The following SAMD5 variants were observed in gnomAD, a reference collection of about 807,000 sequenced individuals.
The protein encoded by SAMD5 is sterile alpha motif domain-containing protein 5.
In SAMD5, 13 loss-of-function variants were observed where a neutral mutation model predicts 11.3. The observed-to-expected ratio is 1.15, with a 90% CI of 0.75 to 1.83. SAMD5 has a LOEUF of 1.83. Among genes scored for constraint, SAMD5 ranks in the 40% most tolerant of loss-of-function variants. SAMD5 has a pLI of 0.00. For synonymous variants in SAMD5, 129 were observed against 111.3 expected (o/e 1.16, Z -1.00); for missense variants, 255 against 239.1 (o/e 1.07, Z -0.44).
At chr6:147,592,580 A>T (rs1321591400) in intron 1 of SAMD5, among the ~76,000 whole-genome samples, 1 of 152,014 alleles carries the variant, frequency 6.6e-6, no homozygotes, top group Non-Finnish European at 1.5e-5. Flanking sequence ...CAATTCAGAT[A>T]GACTCTATGC....
At chr6:147,659,466 A>T (rs1446547416) in intron 1 of SAMD5, among the ~76,000 whole-genome samples, 2 of 152,186 alleles carry the variant, frequency 1.3e-5, no homozygotes, top group Admixed American at 6.5e-5. Context: ...AGCATTTTTG[A>T]TCACCAACTT....
At chr6:147,636,900 C>T (rs1382247896) in intron 1 of SAMD5, among the ~76,000 whole-genome samples, 1 of 144,148 alleles carries the variant, frequency 6.9e-6, no homozygotes, top group East Asian at 2.0e-4. Context: ...TCAGACCACA[C>T]AATAGACTTA....
intron 1 of SAMD5, among the ~76,000 whole-genome samples, chr6:147,550,659 G>A (rs1397937187): frequency 6.6e-6 from 1 of 151,818 alleles, no homozygotes; most frequent in Non-Finnish European, 1.5e-5. Flanking sequence ...GAAACAGAAA[G>A]TCAAAACCAG....
chr6:147,638,101 TTCTC>T lies in SAMD5; in HGVS notation c.163-99205_163-99202del, dbSNP rs144874164. Among the ~76,000 whole-genome samples, 263 of 151,738 alleles carry T rather than the reference TTCTC, an allele frequency of 1.7e-3. 1 individual carries two copies. The highest frequency in any genetic ancestry group is 6.8e-3 in the Middle Eastern group (2 of 292). On this transcript the variant is annotated intron_variant, in intron 1 of 1. Coordinates refer to the SAMD5 transcript ENST00000566741. ...CCATTTATACCTGCTTGACTGAGTGTTCTCTCTCTCTCTCCCTCCCTCTCTCTCC... is the reference window on the plus strand; with the variant it reads ...CCATTTATACCTGCTTGACTGAGTGTTCTCTCTCTCCCTCCCTCTCTCTCC...
At chr6:147,902,780 T>A in the SAMD5 span, among the ~76,000 whole-genome samples, 1 of 152,196 alleles carries the variant, frequency 6.6e-6, no homozygotes, top group Non-Finnish European at 1.5e-5. Context: ...TAAAACTTTT[T>A]CTGTTCCTCT....
At chr6:147,792,331 G>C in the SAMD5 span, among the ~76,000 whole-genome samples, 1 of 152,160 alleles carries the variant, frequency 6.6e-6, no homozygotes, top group African/African-American at 2.4e-5. Flanking sequence ...AATGAATAGT[G>C]AGTGGTGGAA....
the SAMD5 span, among the ~76,000 whole-genome samples, chr6:147,787,025 C>A: frequency 6.6e-6 from 1 of 152,152 alleles, no homozygotes; most frequent in African/African-American, 2.4e-5. Context: ...TAATTTATGA[C>A]AGGAAGTCTA....
At chr6:147,870,541 TCTC>T in the SAMD5 span, among the ~76,000 whole-genome samples, 4 of 151,498 alleles carry the variant, frequency 2.6e-5, no homozygotes, top group Non-Finnish European at 5.9e-5. Flanking sequence ...TTTACAATAT[TCTC>T]CTTGGCAAAT....
chr6:147,759,245 G>T, the SAMD5 span, among the ~76,000 whole-genome samples: 1 of 152,108 alleles, frequency 6.6e-6, no homozygotes, highest in South Asian at 2.1e-4. Flanking sequence ...ACATCCTCTT[G>T]GAAGGCAGAA....
At chr6:147,766,955 A>G in the SAMD5 span, among the ~76,000 whole-genome samples, 1 of 151,090 alleles carries the variant, frequency 6.6e-6, no homozygotes, top group East Asian at 1.9e-4. Flanking sequence ...AAGCAGATGA[A>G]CACACAGTAG....
At chr6:147,718,765 A>T (rs1791503426) in intron 1 of SAMD5, among the ~76,000 whole-genome samples, 1 of 151,980 alleles carries the variant, frequency 6.6e-6, no homozygotes, top group African/African-American at 2.4e-5. Context: ...ATCTTGGCTC[A>T]CTGCAGCCTC....
chr6:147,570,384 A>G (rs1789119655), downstream of SAMD5, among the ~76,000 whole-genome samples: 1 of 152,130 alleles, frequency 6.6e-6, no homozygotes, highest in African/African-American at 2.4e-5. Context: ...TGTTTCTGCT[A>G]TGGTTCCTAC....
At chr6:147,802,288 G>T in the SAMD5 span, among the ~76,000 whole-genome samples, 8 of 152,010 alleles carry the variant, frequency 5.3e-5, no homozygotes, top group Non-Finnish European at 1.0e-4. Flanking sequence ...ATATACAAAT[G>T]GCCAGTAATA....
the SAMD5 span, among the ~76,000 whole-genome samples, chr6:147,788,831 C>A: frequency 6.6e-6 from 1 of 152,176 alleles, no homozygotes; most frequent in Non-Finnish European, 1.5e-5. Flanking sequence ...TGCTTGTAAT[C>A]CCAGCACTTT....
intron 1 of SAMD5, among the ~76,000 whole-genome samples, chr6:147,545,109 T>G (rs1478211033): frequency 6.6e-6 from 1 of 152,200 alleles, no homozygotes; most frequent in Non-Finnish European, 1.5e-5. Context: ...AAAATGATGA[T>G]GATTTATGCT....
At chr6:147,787,629 G>T in the SAMD5 span, among the ~76,000 whole-genome samples, 2 of 152,158 alleles carry the variant, frequency 1.3e-5, no homozygotes, top group African/African-American at 4.8e-5. Context: ...CAAACAGAGA[G>T]CAATTTTCTG....
rs1789495552 is a variant in SAMD5 at position 147,594,139 on chromosome 6, A to C, written c.162+84752A>C. Among the ~76,000 whole-genome samples, 3 of 152,260 alleles carry C rather than the reference A, an allele frequency of 2.0e-5. No individual in the cohort carries two copies. In the South Asian group the frequency reaches 6.2e-4, roughly 32 times the overall value. On this transcript the variant is annotated intron_variant, in intron 1 of 1. Coordinates refer to the SAMD5 transcript ENST00000566741. ...GTGAGACTTGGTCTCAAAACAAAAC[A>C]AAAAAAGCAACGGGAGCAAAAGAAT...
chr6:147,612,523 CA>C (rs1369371373), intron 1 of SAMD5, among the ~76,000 whole-genome samples: 8 of 152,204 alleles, frequency 5.3e-5, no homozygotes. Flanking sequence ...TAATCAGGCC[CA>C]AACTACTTTC....
At chr6:147,535,987 GTT>G in intron 1 of SAMD5, among the ~76,000 whole-genome samples, 1 of 144,796 alleles carries the variant, frequency 6.9e-6, no homozygotes, top group South Asian at 2.2e-4. Context: ...AAATAACCAA[GTT>G]TTTTTTTTTT....
Sources: gnomAD v4.1 joint callset for allele counts (sites outside exome capture counted in the v4.1 genomes callset) on GRCh38, gnomAD v4.1.1 for gene constraint, MANE v1.5 for transcripts, NCBI Gene and HGNC (gene_info 2026-07-23, HGNC 2026-07-21) for gene names.